The following IGFBP6 variants were observed in gnomAD, a reference collection of about 807,000 sequenced individuals.
IGFBP6 encodes the protein insulin-like growth factor-binding protein 6.
Under a neutral mutation model 24.5 loss-of-function variants are expected in IGFBP6, and 24 were observed. That is an observed-to-expected ratio of 0.98 (90% confidence interval 0.71 to 1.38). The LOEUF (loss-of-function observed/expected upper bound fraction) is 1.38. IGFBP6 is among the 40% of genes most tolerant of loss of function. The pLI, the probability that IGFBP6 is intolerant of heterozygous loss-of-function variation, is 0.00. For missense variants in IGFBP6, 331 were observed against 324.8 expected (o/e 1.02, Z -0.15); for synonymous variants, 147 against 137.4 (o/e 1.07, Z -0.49).
chr12:53,097,699 C>G lies in IGFBP6; in HGVS notation c.-19C>G, dbSNP rs777567670. On this transcript the variant is annotated 5_prime_UTR_variant, in exon 1 of 4. Transcript: ENST00000301464. ...CTGCGACTGCTCTGGAAGGAGAGGA[C>G]GGGGCACAAACCCTGACCATGACCC... The G allele has an allele frequency of 1.3e-5, 20 of 1,540,050 alleles. No homozygotes were observed. In the Admixed American group the frequency reaches 3.9e-4, roughly 30 times the overall value.
Position 53,097,975 on chromosome 12 carries a change from G to T in IGFBP6, c.258G>T (p.Pro86=). Residue 86 remains proline (P), a synonymous_variant, in exon 1 of 4, where the codon CCG becomes CCT. Transcript: ENST00000301464. Reference sequence around the variant, plus strand: ...GCGCCCCAGGACTGCAGTGCCATCCGCCCAAGGACGACGAGGCGCCTTTGC... The same window carrying T: ...GCGCCCCAGGACTGCAGTGCCATCCTCCCAAGGACGACGAGGCGCCTTTGC... ...PNCAPGLQCH[P]PKDDEAPLRA... is the part of the protein sequence containing the mutation. The T allele has an allele frequency of 6.6e-7, 1 of 1,514,992 alleles. No homozygotes were observed. The highest frequency in any genetic ancestry group is 8.8e-7 in the Non-Finnish European group (1 of 1,138,150). The allele number at this position is 1,514,992 out of a possible 1,614,324, so 93.8% of individuals were successfully genotyped here.
intron 2 of IGFBP6, 31 bp downstream of exon 2, chr12:53,100,888 G>A: frequency 1.2e-6 from 2 of 1,613,428 alleles, no homozygotes; most frequent in Non-Finnish European, 1.7e-6. Flanking sequence ...GAGCAGGAGG[G>A]GTGGGAAGCC....
At position 53,097,930 on chromosome 12, in the gene IGFBP6, C is replaced by T; in HGVS notation, c.213C>T (p.Cys71=). 1 of 1,512,692 alleles carries T rather than the reference C, an allele frequency of 6.6e-7. No individual in the cohort carries two copies. Among genetic ancestry groups the T allele is most frequent in the South Asian group, 1.3e-5 (1 of 79,944 alleles). The allele number at this position is 1,512,692 out of a possible 1,614,324, so 93.7% of individuals were successfully genotyped here. ...GTCTCAGGAGGGAGGGGCAGGAGTG[C>T]GGGGTCTACACCCCTAACTGCGCCC... ...EGCLRREGQE[C]GVYTPNCAPG... is the part of the protein sequence containing the mutation. Residue 71 remains cysteine (C), a synonymous_variant, in exon 1 of 4, where the codon TGC becomes TGT. Transcript: ENST00000301464.
At chr12:53,101,927 G>GA in intron 3 of IGFBP6, 118 bp from the exon 4 acceptor site, 1 of 462,902 alleles carries the variant, frequency 2.2e-6, no homozygotes, top group Non-Finnish European at 3.6e-6. Context: ...AAAAAAAAGA[G>GA]AGGGAACCCC....
rs1472113902 is a variant in IGFBP6 at position 53,098,066 on chromosome 12, C to G, written c.334+15C>G. On this transcript the variant is annotated intron_variant, in intron 1 of 3. Transcript: ENST00000301464. ...CGCGCCTGCTGGTGAGTCCGCGCCC[C>G]GCCCCTGCCCCGCCCACGTGAGACC... 5 of 1,410,006 alleles carry G rather than the reference C, an allele frequency of 3.5e-6. No individual in the cohort carries two copies. Among genetic ancestry groups the G allele is most frequent in the South Asian group, 3.1e-5 (2 of 65,262 alleles). The allele number at this position is 1,410,006 out of a possible 1,614,324, so 87.3% of individuals were successfully genotyped here.
At position 53,097,932 on chromosome 12, in the gene IGFBP6, G is replaced by A. The variant is rs1358625898; in HGVS notation, c.215G>A (p.Gly72Glu). The change falls in exon 1 of 4, where the codon GGG becomes GAG. Residue 72 changes from glycine (G) to glutamate (E), a missense_variant. Coordinates refer to ENST00000301464, the MANE Select transcript of IGFBP6 (RefSeq NM_002178.3). ...CTCAGGAGGGAGGGGCAGGAGTGCG[G>A]GGTCTACACCCCTAACTGCGCCCCA... ...GCLRREGQEC[G>E]VYTPNCAPGL... 5 of 1,513,380 alleles carry A rather than the reference G, an allele frequency of 3.3e-6. No individual in the cohort carries two copies. The highest frequency in any genetic ancestry group is 1.2e-5 in the South Asian group (1 of 80,136). 93.7% of individuals were successfully genotyped at this position (1,513,380 alleles called of 1,614,324 possible).
In IGFBP6 at chr12:53,097,992, C is replaced by T. The variant is rs773235343; in HGVS notation, c.275C>T (p.Ala92Val). 3.3e-6 allele frequency: 5 copies of T among 1,516,162 alleles called. No individual in the cohort carries two copies. Among genetic ancestry groups the T allele is most frequent in the African/African-American group, 1.4e-5 (1 of 70,008 alleles). 93.9% of individuals were successfully genotyped at this position (1,516,162 alleles called of 1,614,324 possible). A position where few individuals can be genotyped will look rare whatever the true frequency, so the allele number is the denominator to read the frequency against. The change falls in exon 1 of 4, where the codon GCG becomes GTG. Residue 92 changes from alanine (A) to valine (V), a missense_variant. Ala to Val is a moderately conservative substitution (Grantham distance 64). Coordinates refer to ENST00000301464, the MANE Select transcript of IGFBP6 (RefSeq NM_002178.3). ...TGCCATCCGCCCAAGGACGACGAGG[C>T]GCCTTTGCGGGCGCTGCTGCTCGGC... ...LQCHPPKDDEAPLRALLLGRG... is the reference protein window; with the variant it reads ...LQCHPPKDDEVPLRALLLGRG...
chr12:53,098,692 T>G (rs1461896746), intron 1 of IGFBP6, among the ~76,000 whole-genome samples: 3 of 152,068 alleles, frequency 2.0e-5, no homozygotes, highest in African/African-American at 7.2e-5. Flanking sequence ...ATCAGGGTTA[T>G]GATTTAAACC....
intron 3 of IGFBP6, 81 bp from the exon 4 acceptor site, chr12:53,101,964 T>A: frequency 1.4e-5 from 10 of 740,608 alleles, no homozygotes; most frequent in Non-Finnish European, 1.8e-5. Context: ...TGTTTTTACA[T>A]CCTCAGACTC....
chr12:53,099,428 T>G (rs1004970619), intron 1 of IGFBP6: 5 of 421,442 alleles, frequency 1.2e-5, no homozygotes, highest in African/African-American at 1.0e-4. Flanking sequence ...TGAGCTGGCC[T>G]GGGTCACAGG....
chr12:53,101,506 G>A (rs1937827418), intron 3 of IGFBP6, among the ~76,000 whole-genome samples: 1 of 152,160 alleles, frequency 6.6e-6, no homozygotes, highest in Non-Finnish European at 1.5e-5. Context: ...TTTCTAACAT[G>A]TTCCCTCGTG....
At chr12:53,100,665 T>G in intron 1 of IGFBP6, 47 bp from the exon 2 acceptor site, 2 of 1,606,852 alleles carry the variant, frequency 1.2e-6, no homozygotes, top group South Asian at 2.2e-5. Context: ...CTTCTCCACA[T>G]GGCTCTGCCT....
Position 53,097,888 on chromosome 12 carries a change from C to A in IGFBP6, c.171C>A (p.Cys57Ter). 1 of 1,516,650 alleles carries A rather than the reference C, an allele frequency of 6.6e-7. No homozygotes were observed. Among genetic ancestry groups the A allele is most frequent in the Non-Finnish European group, 8.8e-7 (1 of 1,135,400 alleles). 93.9% of individuals were successfully genotyped at this position (1,516,650 alleles called of 1,614,324 possible). A position where few individuals can be genotyped will look rare whatever the true frequency, so the allele number is the denominator to read the frequency against. ...ATGGGGGGTCGCCAGCCGAGGGCTG[C>A]GCGGAAGCTGAGGGCTGTCTCAGGA... ...EEDGGSPAEGCAEAEGCLRRE... is the reference protein window; with the variant it reads ...EEDGGSPAEG The change falls in exon 1 of 4, where the codon TGC becomes TGA. Residue 57 changes from cysteine to a stop codon, truncating the protein, a stop_gained. Transcript: ENST00000301464. LOFTEE classifies it high-confidence loss of function.
In IGFBP6 at chr12:53,102,161, C is replaced by T. The variant is rs562601728; in HGVS notation, c.717C>T (p.Ser239=). 3.8e-5 allele frequency: 61 copies of T among 1,613,802 alleles called. No individual in the cohort carries two copies. Among genetic ancestry groups the T allele is most frequent in the Admixed American group, 2.5e-4 (15 of 59,994 alleles). The change falls in exon 4 of 4, where the codon AGC becomes AGT. Residue 239 remains serine (S), a synonymous_variant. Transcript: ENST00000301464. ...GCTCCTCCTGCCCCACTGGGAGTAG[C>T]GGCTAAAGCTGGGGGATAGAGGGGC... ...NGSSSCPTGS[S]G
chr12:53,098,146 T>G, intron 1 of IGFBP6, 95 bp downstream of exon 1: 1 of 1,318,886 alleles, frequency 7.6e-7, no homozygotes, highest in Non-Finnish European at 9.8e-7. Flanking sequence ...CGGCAAGCCT[T>G]TCCGCCCTGG....
Position 53,100,972 on chromosome 12 carries a change from G to C in IGFBP6, c.481-69G>C. ...ATTGTCTGTCCTGGGTGCTTGCCTG[G>C]TGGGCCAGAAGGTTGGAATGGGGAG... On this transcript the variant is annotated intron_variant, in intron 2 of 3. Coordinates refer to ENST00000301464, the MANE Select transcript of IGFBP6 (RefSeq NM_002178.3). 12 of 1,604,764 alleles carry C rather than the reference G, an allele frequency of 7.5e-6. 1 individual carries two copies. In the South Asian group the frequency reaches 1.3e-4, roughly 18 times the overall value.
chr12:53,102,270 T>C lies in IGFBP6; in HGVS notation c.*103T>C. 1 of 1,340,782 alleles carries C rather than the reference T, an allele frequency of 7.5e-7. No homozygotes were observed. Among genetic ancestry groups the C allele is most frequent in the Non-Finnish European group, 1.0e-6 (1 of 974,902 alleles). The allele number at this position is 1,340,782 out of a possible 1,614,324, so 83.1% of individuals were successfully genotyped here. On this transcript the variant is annotated 3_prime_UTR_variant, in exon 4 of 4. Transcript: ENST00000301464. ...CAATCCACCTTCAGGCCCCGCCCCA[T>C]GGGCCCCTCACCGCTGGTTGGAAAG... is the stretch of plus-strand genomic sequence containing the variant.
Position 53,097,974 on chromosome 12 carries a change from C to A in IGFBP6, c.257C>A (p.Pro86Gln). The A allele has an allele frequency of 6.6e-7, 1 of 1,514,378 alleles. No individual in the cohort carries two copies. The highest frequency in any genetic ancestry group is 8.8e-7 in the Non-Finnish European group (1 of 1,137,822). The allele number at this position is 1,514,378 out of a possible 1,614,324, so 93.8% of individuals were successfully genotyped here. ...PNCAPGLQCH[P>Q]PKDDEAPLRA... ...TGCGCCCCAGGACTGCAGTGCCATC[C>A]GCCCAAGGACGACGAGGCGCCTTTG... Residue 86 changes from proline to glutamine, a missense_variant, in exon 1 of 4, where the codon CCG becomes CAG. Pro to Gln is a moderately conservative substitution (Grantham distance 76). Transcript: ENST00000301464.
intron 1 of IGFBP6, 101 bp downstream of exon 1, chr12:53,098,152 C>T: frequency 7.7e-7 from 1 of 1,304,154 alleles, no homozygotes; most frequent in Non-Finnish European, 9.9e-7. Context: ...GCCTTTCCGC[C>T]CTGGCCCTTG....
Sources: allele counts gnomAD v4.1 joint callset (sites outside exome capture counted in the v4.1 genomes callset), GRCh38; gene constraint gnomAD v4.1.1; transcripts MANE v1.5; gene names NCBI Gene and HGNC (gene_info 2026-07-23, HGNC 2026-07-21).